KLRG1: variants seen among roughly 807,000 people sequenced by gnomAD.
The protein encoded by KLRG1 is killer cell lectin like receptor G1, also known as killer cell lectin-like receptor subfamily G member 1.
A neutral mutation model predicts 21.8 loss-of-function variants in KLRG1; 16 were observed. That is an observed-to-expected ratio of 0.73 (90% CI 0.50 to 1.11). The LOEUF (loss-of-function observed/expected upper bound fraction) is 1.11. Among genes scored for constraint, KLRG1 ranks in the 50% most tolerant of loss-of-function variants. The pLI, the probability that KLRG1 is intolerant of heterozygous loss-of-function variation, is 0.00. For missense variants in KLRG1, 173 were observed against 218.3 expected (o/e 0.79, Z 1.31); for synonymous variants, 69 against 75.9 (o/e 0.91, Z 0.47).
chr12:9,081,082 A>G, the KLRG1 span, among the ~76,000 whole-genome samples: 1 of 152,182 alleles, frequency 6.6e-6, no homozygotes, highest in African/African-American at 2.4e-5. Flanking sequence ...GATGCCATAA[A>G]CAAAGTTAAA....
At chr12:9,101,179 G>T in the KLRG1 span, 1 of 1,561,732 alleles carries the variant, frequency 6.4e-7, no homozygotes, top group Non-Finnish European at 8.7e-7. Flanking sequence ...ATGAGTCCCA[G>T]TTCGGACAAT....
intron 1 of KLRG1, among the ~76,000 whole-genome samples, chr12:8,966,346 A>G (rs1175085034): frequency 1.3e-4 from 20 of 152,158 alleles, no homozygotes; most frequent in Non-Finnish European, 2.4e-4. Flanking sequence ...ATGGGATCTA[A>G]TTAAACTAAA....
At chr12:9,097,632 CTTTTTTTT>C in the KLRG1 span, among the ~76,000 whole-genome samples, 6 of 127,112 alleles carry the variant, frequency 4.7e-5, no homozygotes, top group East Asian at 2.3e-4. Context: ...TGATGTAATT[CTTTTTTTT>C]TTTTTTTTTT....
At chr12:9,181,889 T>C in the KLRG1 span, 2 of 1,446,500 alleles carry the variant, frequency 1.4e-6, no homozygotes, top group Non-Finnish European at 1.9e-6. Flanking sequence ...TTTACTTTTC[T>C]GGACTTAGTT....
chr12:9,115,534 A>G, the KLRG1 span: 1 of 426,816 alleles, frequency 2.3e-6, no homozygotes, highest in African/African-American at 2.0e-5. Context: ...AAAGCTAAAA[A>G]TTTCTGACAC....
At chr12:9,007,597 T>C (rs778412974) in intron 3 of KLRG1, among the ~76,000 whole-genome samples, 1 of 152,244 alleles carries the variant, frequency 6.6e-6, no homozygotes, top group African/African-American at 2.4e-5. Flanking sequence ...AGAGCAACTC[T>C]TTATTTGTGC....
chr12:9,191,371 C>G, the KLRG1 span, among the ~76,000 whole-genome samples: 1 of 151,954 alleles, frequency 6.6e-6, no homozygotes, highest in Non-Finnish European at 1.5e-5. Flanking sequence ...AACTGATATT[C>G]AAAACTGGCA....
chr12:8,960,710 A>G (rs1043251362), intron 1 of KLRG1, among the ~76,000 whole-genome samples: 1 of 152,232 alleles, frequency 6.6e-6, no homozygotes, highest in African/African-American at 2.4e-5. Flanking sequence ...CTTAGAATAC[A>G]GAAATAGTGT....
At chr12:9,201,026 C>T in the KLRG1 span, 1 of 1,614,074 alleles carries the variant, frequency 6.2e-7, no homozygotes, top group Non-Finnish European at 8.5e-7. Context: ...TAGCTTGAGA[C>T]TCTGCCATTG....
chr12:9,071,787 G>A, the KLRG1 span, among the ~76,000 whole-genome samples: 5 of 152,258 alleles, frequency 3.3e-5, no homozygotes, highest in East Asian at 9.6e-4. Context: ...TCTTTTTGAT[G>A]TGTGCCAGTT....
At chr12:9,120,852 C>CATGTGTGTGTGTGTGTGTGTGTGTGTGT in the KLRG1 span, among the ~76,000 whole-genome samples, 10 of 143,476 alleles carry the variant, frequency 7.0e-5, no homozygotes, top group South Asian at 2.4e-4. Flanking sequence ...ATCCCACTAA[C>CATGTGTGTGTGTGTGTGTGTGTGTGTGT]GTGTGTGTGT....
At chr12:9,099,416 C>T in the KLRG1 span, 2 of 1,573,126 alleles carry the variant, frequency 1.3e-6, no homozygotes, top group Admixed American at 3.8e-5. Context: ...TCATATTTTG[C>T]AGAATCCCCA....
the KLRG1 span, among the ~76,000 whole-genome samples, chr12:9,049,474 G>A: frequency 2.0e-5 from 3 of 152,114 alleles, no homozygotes; most frequent in Non-Finnish European, 2.9e-5. Context: ...GGTATTTCTT[G>A]TAGAATACAT....
the KLRG1 span, among the ~76,000 whole-genome samples, chr12:9,086,712 C>T: frequency 2.8e-3 from 428 of 152,272 alleles, 2 homozygotes; most frequent in African/African-American, 9.7e-3. Context: ...AAAGACTTTC[C>T]TTTAAGATCT....
At chr12:9,144,954 C>T in the KLRG1 span, among the ~76,000 whole-genome samples, 1 of 152,188 alleles carries the variant, frequency 6.6e-6, no homozygotes, top group African/African-American at 2.4e-5. Context: ...TTTAAAATGC[C>T]AGTGCTTGTC....
the KLRG1 span, chr12:9,115,942 G>T: frequency 1.0e-6 from 1 of 979,716 alleles, no homozygotes; most frequent in Non-Finnish European, 1.6e-6. Context: ...AAGCAACTGG[G>T]CTTTATGCTG....
At chr12:9,155,089 T>G in the KLRG1 span, among the ~76,000 whole-genome samples, 1 of 152,170 alleles carries the variant, frequency 6.6e-6, no homozygotes, top group Non-Finnish European at 1.5e-5. Flanking sequence ...CTCTCCAATG[T>G]TATTTTAGTT....
chr12:9,032,995 A>G, the KLRG1 span, among the ~76,000 whole-genome samples: 2,405 of 152,312 alleles, frequency 0.016, 32 homozygotes, highest in Admixed American at 0.026. Flanking sequence ...GTTCTACTAC[A>G]TGAGTTAGCC....
At chr12:9,087,303 A>G in the KLRG1 span, among the ~76,000 whole-genome samples, 1 of 152,238 alleles carries the variant, frequency 6.6e-6, no homozygotes, top group African/African-American at 2.4e-5. Context: ...AATTTGGTAT[A>G]TACACATAGA....
Sources: allele counts gnomAD v4.1 joint callset (sites outside exome capture counted in the v4.1 genomes callset), GRCh38; gene constraint gnomAD v4.1.1; transcripts MANE v1.5; gene names NCBI Gene and HGNC (gene_info 2026-07-23, HGNC 2026-07-21).